The following LINGO2 variants were observed in gnomAD, a reference collection of about 807,000 sequenced individuals.
LINGO2 encodes the protein leucine-rich repeat and immunoglobulin-like domain-containing nogo receptor-interacting protein 2.
LINGO2 carries 14 observed loss-of-function variants against 30.6 expected under a neutral mutation model. The observed-to-expected ratio is 0.46, with a 90% confidence interval of 0.30 to 0.72. The LOEUF (loss-of-function observed/expected upper bound fraction) is 0.72, where lower values mean the gene tolerates loss of function less well. LINGO2 is among the 30% of genes least tolerant of loss of function. LINGO2 has a pLI of 0.07. For missense variants in LINGO2, 729 were observed against 751.7 expected (o/e 0.97, Z 0.35); for synonymous variants, 317 against 288.5 (o/e 1.10, Z -1.00).
chr9:28,768,411 T>C, the LINGO2 span, among the ~76,000 whole-genome samples: 1 of 152,164 alleles, frequency 6.6e-6, no homozygotes, highest in Non-Finnish European at 1.5e-5. Flanking sequence ...GTCTTTGATA[T>C]AGTTTTTGCT....
At chr9:29,049,418 G>C in the LINGO2 span, among the ~76,000 whole-genome samples, 3 of 152,190 alleles carry the variant, frequency 2.0e-5, no homozygotes, top group Non-Finnish European at 4.4e-5. Context: ...TAAAAATAGA[G>C]CTACCACATG....
chr9:28,921,241 C>T, the LINGO2 span, among the ~76,000 whole-genome samples: 1 of 152,152 alleles, frequency 6.6e-6, no homozygotes, highest in African/African-American at 2.4e-5. Flanking sequence ...AATAATAAGG[C>T]ACTGACTATC....
intron 1 of LINGO2, among the ~76,000 whole-genome samples, chr9:28,618,209 C>A (rs1383160071): frequency 2.0e-5 from 3 of 152,120 alleles, no homozygotes; most frequent in African/African-American, 7.2e-5. Context: ...CTCCCCCAAC[C>A]CCAACCTGGT....
At chr9:28,326,615 G>T (rs1483385025) in intron 3 of LINGO2, among the ~76,000 whole-genome samples, 4 of 152,126 alleles carry the variant, frequency 2.6e-5, no homozygotes, top group Admixed American at 2.6e-4. Flanking sequence ...AACTATATTG[G>T]CATCGTTCAC....
At chr9:28,765,937 C>G in the LINGO2 span, among the ~76,000 whole-genome samples, 1 of 152,022 alleles carries the variant, frequency 6.6e-6, no homozygotes, top group East Asian at 1.9e-4. Flanking sequence ...ACACTGCACA[C>G]AAAAATAAAC....
At chr9:28,797,810 G>C in the LINGO2 span, among the ~76,000 whole-genome samples, 2 of 152,190 alleles carry the variant, frequency 1.3e-5, no homozygotes, top group African/African-American at 4.8e-5. Flanking sequence ...ATCACCAAAG[G>C]AGTGATTGTA....
chr9:27,968,063 A>G (rs1213386498), intron 5 of LINGO2, among the ~76,000 whole-genome samples: 1 of 152,116 alleles, frequency 6.6e-6, no homozygotes, highest in Non-Finnish European at 1.5e-5. Flanking sequence ...AAACTATCAA[A>G]GTAGGAAGTA....
At chr9:28,696,846 C>T in the LINGO2 span, among the ~76,000 whole-genome samples, 818 of 151,864 alleles carry the variant, frequency 5.4e-3, 10 homozygotes, top group African/African-American at 0.019. Flanking sequence ...TTTAGGTGAG[C>T]TAAGGAGGTT....
At chr9:28,051,985 C>A (rs1824698585) in intron 4 of LINGO2, among the ~76,000 whole-genome samples, 1 of 151,992 alleles carries the variant, frequency 6.6e-6, no homozygotes, top group Non-Finnish European at 1.5e-5. Flanking sequence ...CCTCAAATTC[C>A]AACTGTCCTA....
chr9:28,238,867 G>C (rs1433831023), intron 4 of LINGO2, among the ~76,000 whole-genome samples: 1 of 151,670 alleles, frequency 6.6e-6, no homozygotes, highest in African/African-American at 2.4e-5. Flanking sequence ...TTTTTGAAAA[G>C]ATGAACAAAA....
intron 2 of LINGO2, among the ~76,000 whole-genome samples, chr9:28,383,509 C>G (rs2026374): frequency 0.98 from 149,719 of 152,058 alleles, 73,758 homozygotes; most frequent in Middle Eastern, 1. Flanking sequence ...AGAGAGTGGG[C>G]AGTCAAACTC....
chr9:28,044,680 G>C (rs1161788377), intron 4 of LINGO2, among the ~76,000 whole-genome samples: 1 of 152,122 alleles, frequency 6.6e-6, no homozygotes, highest in African/African-American at 2.4e-5. Context: ...ATCAATGCTG[G>C]TGCAGGGGAG....
At chr9:28,348,745 C>A (rs540896215) in intron 3 of LINGO2, among the ~76,000 whole-genome samples, 23 of 151,842 alleles carry the variant, frequency 1.5e-4, no homozygotes, top group African/African-American at 2.2e-4. Flanking sequence ...ACTTAAATGT[C>A]CCTGTCTGAC....
intron 4 of LINGO2, among the ~76,000 whole-genome samples, chr9:28,083,628 G>C (rs1264152329): frequency 2.6e-5 from 4 of 152,088 alleles, no homozygotes; most frequent in African/African-American, 9.7e-5. Context: ...TACCACATGT[G>C]AAATGCCAAG....
chr9:28,186,097 G>C (rs1044246892), intron 4 of LINGO2, among the ~76,000 whole-genome samples: 1 of 152,050 alleles, frequency 6.6e-6, no homozygotes, highest in Non-Finnish European at 1.5e-5. Flanking sequence ...TCACTCCCTA[G>C]TTCCTTGTCC....
chr9:28,479,294 T>A (rs998227599), intron 1 of LINGO2, among the ~76,000 whole-genome samples: 13 of 151,646 alleles, frequency 8.6e-5, no homozygotes, highest in Non-Finnish European at 1.6e-4. Flanking sequence ...GAAATTTAAT[T>A]TTTTTTTAAA....
At chr9:28,050,935 T>C (rs924932660) in intron 4 of LINGO2, among the ~76,000 whole-genome samples, 13 of 151,030 alleles carry the variant, frequency 8.6e-5, no homozygotes, top group Admixed American at 4.6e-4. Flanking sequence ...AAACACACTG[T>C]AGTACATGTT....
the LINGO2 span, among the ~76,000 whole-genome samples, chr9:28,729,600 C>G: frequency 7.5e-3 from 1,130 of 151,632 alleles, 19 homozygotes; most frequent in African/African-American, 0.026. Flanking sequence ...TTAAAAATCA[C>G]AATATCCTAA....
chr9:28,255,886 C>G (rs10125930), intron 4 of LINGO2, among the ~76,000 whole-genome samples: 6,371 of 152,096 alleles, frequency 0.042, 419 homozygotes, highest in African/African-American at 0.14. Flanking sequence ...TTCTAACTAT[C>G]CTGTGCTTTG....
Sources: gnomAD v4.1 joint callset for allele counts (sites outside exome capture counted in the v4.1 genomes callset) on GRCh38, gnomAD v4.1.1 for gene constraint, MANE v1.5 for transcripts, NCBI Gene and HGNC (gene_info 2026-07-23, HGNC 2026-07-21) for gene names.